RAB27A: variants seen among roughly 807,000 people sequenced by gnomAD.
The protein encoded by RAB27A is RAB27A, member RAS oncogene family.
In RAB27A, 17 loss-of-function variants were observed where a neutral mutation model predicts 20.8. The observed-to-expected ratio is 0.82, with a 90% CI of 0.56 to 1.23. RAB27A has a LOEUF of 1.23. Ranked by LOEUF, RAB27A falls within the 50% of genes most tolerant of loss-of-function variation. RAB27A has a pLI of 0.00. For synonymous variants in RAB27A, 85 were observed against 92.8 expected (o/e 0.92, Z 0.48); for missense variants, 277 against 266.7 (o/e 1.04, Z -0.27).
At chr15:55,304,172 T>G (rs2054987814) in intron 2 of RAB27A, among the ~76,000 whole-genome samples, 5 of 152,042 alleles carry the variant, frequency 3.3e-5, no homozygotes, top group South Asian at 2.1e-4. Context: ...CCCCCAACCC[T>G]GTGCTCTCTG....
chr15:55,229,131 CT>C (rs1895933229), intron 4 of RAB27A, among the ~76,000 whole-genome samples: 1 of 152,140 alleles, frequency 6.6e-6, no homozygotes, highest in Non-Finnish European at 1.5e-5. Context: ...GTAAGAATCT[CT>C]TGACTCAGAC....
chr15:55,264,647 A>G (rs1246625401), intron 2 of RAB27A, among the ~76,000 whole-genome samples: 1 of 152,226 alleles, frequency 6.6e-6, no homozygotes, highest in Admixed American at 6.5e-5. Flanking sequence ...AATAGCATAC[A>G]TATACCTCTC....
At chr15:55,251,918 C>T (rs1397610883) in intron 2 of RAB27A, among the ~76,000 whole-genome samples, 1 of 152,042 alleles carries the variant, frequency 6.6e-6, no homozygotes, top group South Asian at 2.1e-4. Flanking sequence ...AAGGAGAAAG[C>T]GGCATGAGGT....
Position 55,241,626 on chromosome 15 carries a change from G to GTGTATATATATATATA in RAB27A, c.-22-6671_-22-6670insTATATATATATATACA, listed in dbSNP as rs1566915387. 8.3e-3 allele frequency among the ~76,000 whole-genome samples: 882 copies of GTGTATATATATATATA among 106,504 alleles called. 45 individuals carry two copies. Among genetic ancestry groups the GTGTATATATATATATA allele is most frequent in the African/African-American group, 0.052 (844 of 16,160 alleles). 69.9% of individuals were successfully genotyped at this position (106,504 alleles called of 152,430 possible). ...TATATATATATATATATATATATAT[G>GTGTATATATATATATA]TGTGTATATATATTTGTTTTTTTTT... On this transcript the variant is annotated intron_variant, in intron 2 of 6. Transcript: ENST00000336787.
intron 2 of RAB27A, among the ~76,000 whole-genome samples, chr15:55,312,759 T>C (rs1223527011): frequency 6.6e-6 from 1 of 152,234 alleles, no homozygotes; most frequent in African/African-American, 2.4e-5. Context: ...GTGTTAGGAT[T>C]ATTCCTCAAA....
intron 2 of RAB27A, among the ~76,000 whole-genome samples, chr15:55,297,733 G>T (rs914131912): frequency 1.3e-5 from 2 of 152,180 alleles, no homozygotes; most frequent in East Asian, 1.9e-4. Context: ...CACAAATTAC[G>T]CAGCCAGCCC....
intron 1 of RAB27A, among the ~76,000 whole-genome samples, chr15:55,277,086 A>G (rs1180045705): frequency 6.6e-6 from 1 of 152,204 alleles, no homozygotes; most frequent in African/African-American, 2.4e-5. Context: ...CTCAGGTAAG[A>G]AAGAGGAGAT....
intron 2 of RAB27A, among the ~76,000 whole-genome samples, chr15:55,298,639 C>G (rs919459544): frequency 1.3e-5 from 2 of 152,148 alleles, no homozygotes; most frequent in Non-Finnish European, 2.9e-5. Flanking sequence ...AGCAACCAGT[C>G]TGACCAAAAT....
intron 2 of RAB27A, among the ~76,000 whole-genome samples, chr15:55,241,616 A>AGATTTC (rs1896489593): frequency 7.5e-6 from 1 of 133,088 alleles, no homozygotes; most frequent in African/African-American, 3.6e-5. Flanking sequence ...ATATATATAT[A>AGATTTC]TATATATATG....
At chr15:55,215,945 C>CAAAAAAAAAAAAA (rs1162706734) in intron 6 of RAB27A, among the ~76,000 whole-genome samples, 1 of 52,890 alleles carries the variant, frequency 1.9e-5, no homozygotes, top group East Asian at 6.2e-4. Context: ...GACGCCGTCT[C>CAAAAAAAAAAAAA]AAAAAAAAAA....
intron 2 of RAB27A, among the ~76,000 whole-genome samples, chr15:55,268,668 C>T (rs1232201616): frequency 6.6e-6 from 1 of 152,164 alleles, no homozygotes; most frequent in Non-Finnish European, 1.5e-5. Context: ...AGACAGGAAC[C>T]ATGTCTTATG....
intron 2 of RAB27A, among the ~76,000 whole-genome samples, chr15:55,262,955 C>T: frequency 6.6e-6 from 1 of 152,170 alleles, no homozygotes; most frequent in East Asian, 1.9e-4. Flanking sequence ...GTTCATCTAT[C>T]CTAGTTTGCT....
Position 55,316,871 on chromosome 15 carries a change from A to T in RAB27A, c.-234+2060T>A, listed in dbSNP as rs188810171. 2.2e-3 allele frequency among the ~76,000 whole-genome samples: 331 copies of T among 152,284 alleles called. 2 individuals carry two copies. The highest frequency in any genetic ancestry group is 3.9e-3 in the Non-Finnish European group (265 of 68,026). ...TCCTCCACACTGCCTGAGATGAAAAACGGCTGGGATTGAATGACTGCCAAA... is the reference window on the plus strand; with the variant it reads ...TCCTCCACACTGCCTGAGATGAAAATCGGCTGGGATTGAATGACTGCCAAA... On this transcript the variant is annotated intron_variant, in intron 1 of 5. Transcript: ENST00000563262.
chr15:55,207,777 A>T (rs1359811843), intron 6 of RAB27A, among the ~76,000 whole-genome samples: 1 of 152,000 alleles, frequency 6.6e-6, no homozygotes, highest in Non-Finnish European at 1.5e-5. Flanking sequence ...CTGCCTCCCA[A>T]GTTCAAGCGA....
intron 2 of RAB27A, among the ~76,000 whole-genome samples, chr15:55,243,724 A>G (rs1896581961): frequency 6.6e-6 from 1 of 152,060 alleles, no homozygotes; most frequent in Non-Finnish European, 1.5e-5. Flanking sequence ...TTGATTGAAT[A>G]CTTATTATAT....
intron 2 of RAB27A, among the ~76,000 whole-genome samples, chr15:55,247,919 C>G (rs1896748653): frequency 6.6e-6 from 1 of 151,462 alleles, no homozygotes; most frequent in Non-Finnish European, 1.5e-5. Context: ...TACCCAACAC[C>G]CTCTTCCTCA....
chr15:55,265,444 T>C (rs754948956), intron 2 of RAB27A, among the ~76,000 whole-genome samples: 31 of 152,186 alleles, frequency 2.0e-4, no homozygotes, highest in Non-Finnish European at 3.7e-4. Context: ...TAAGGACAAG[T>C]GACAGATGTG....
chr15:55,255,551 G>A lies in RAB27A; in HGVS notation c.-23+14614C>T, dbSNP rs571874087. 3.3e-5 allele frequency among the ~76,000 whole-genome samples: 5 copies of A among 152,224 alleles called. No individual in the cohort carries two copies. In the South Asian group the frequency reaches 8.3e-4, roughly 25 times the overall value. On this transcript the variant is annotated intron_variant, in intron 2 of 6. Transcript: ENST00000336787. ...CTTTCTCTAATAGCCTTTTCCTTCCGCTGGTTCCCTCCATTCCCTGCCAAT... is the reference window on the plus strand; with the variant it reads ...CTTTCTCTAATAGCCTTTTCCTTCCACTGGTTCCCTCCATTCCCTGCCAAT...
rs186359612 is a variant in RAB27A at position 55,253,970 on chromosome 15, G to A, written c.-23+16195C>T. The stretch of plus-strand genomic sequence containing the variant: ...TTCAGAAACTATGTTTGAGTGTTCA[G>A]GGGAAATCACAAAAACAAGTAACAG... On this transcript the variant is annotated intron_variant, in intron 2 of 6. Coordinates refer to ENST00000336787, the MANE Select transcript of RAB27A (RefSeq NM_183235.3). 2.0e-5 allele frequency among the ~76,000 whole-genome samples: 3 copies of A among 152,222 alleles called. No individual in the cohort carries two copies. The East Asian group carries it at 5.8e-4, about 29-fold the overall frequency.
Sources: allele counts gnomAD v4.1 joint callset (sites outside exome capture counted in the v4.1 genomes callset), GRCh38; gene constraint gnomAD v4.1.1; transcripts MANE v1.5; gene names NCBI Gene and HGNC (gene_info 2026-07-23, HGNC 2026-07-21).